The following POLQ variants were observed in gnomAD, a reference collection of about 807,000 sequenced individuals.
POLQ encodes the protein epididymis secretory sperm binding protein.
Under a neutral mutation model 259.2 loss-of-function variants are expected in POLQ, and 233 were observed. That is an observed-to-expected ratio of 0.90 (90% CI 0.81 to 1.00). The LOEUF is 1.00. POLQ is among the 50% of genes least tolerant of loss of function. The pLI is 0.00. For synonymous variants in POLQ, 1,025 were observed against 1,048.8 expected, an observed-to-expected ratio of 0.98 and a Z score of 0.44; for missense variants, 2,871 against 3,051.6, an observed-to-expected ratio of 0.94 and a Z score of 1.39.
intron 25 of POLQ, among the ~76,000 whole-genome samples, chr3:121,458,948 A>G (rs2047767138): frequency 6.6e-6 from 1 of 152,254 alleles, no homozygotes; most frequent in Non-Finnish European, 1.5e-5. Context: ...AAACAAAAAC[A>G]GCAGGATCTC....
intron 20 of POLQ, among the ~76,000 whole-genome samples, chr3:121,473,729 T>TC (rs200868120): frequency 7.1e-6 from 1 of 141,400 alleles, no homozygotes; most frequent in African/African-American, 2.8e-5. Flanking sequence ...CACAAGGCCT[T>TC]TTTTTTTTTT....
At chr3:121,487,016 A>T (rs1290386474) in intron 16 of POLQ, among the ~76,000 whole-genome samples, 1 of 152,216 alleles carries the variant, frequency 6.6e-6, no homozygotes, top group Non-Finnish European at 1.5e-5. Context: ...TTAATATACC[A>T]TAAAAGAAAT....
chr3:121,444,507 G>A (rs1384534842), intron 26 of POLQ, among the ~76,000 whole-genome samples: 1 of 152,112 alleles, frequency 6.6e-6, no homozygotes, highest in Admixed American at 6.5e-5. Flanking sequence ...GAGTCATTAG[G>A]TTTTTCCATA....
At chr3:121,513,833 A>C (rs1257428823) in intron 9 of POLQ, among the ~76,000 whole-genome samples, 1 of 150,950 alleles carries the variant, frequency 6.6e-6, no homozygotes, top group African/African-American at 2.4e-5. Flanking sequence ...GACCAGCCTA[A>C]CCAACATGGT....
rs200700902 is a variant in POLQ, at chr3:121,537,204, C to G, written c.636G>C (p.Met212Ile). The G allele has an allele frequency of 3.8e-6, 6 of 1,569,952 alleles. No homozygotes were observed. The African/African-American group carries it at 4.1e-5, about 11-fold the overall frequency. Residue 212 changes from methionine to isoleucine, a missense_variant, in exon 5 of 30, where the codon ATG (methionine) becomes ATC (isoleucine). By Grantham distance (10) the Met-to-Ile change is conservative (BLOSUM62 1). This residue lies in a region of POLQ where 783 missense variants were observed against 906.2 expected (regional missense o/e 0.86). Coordinates refer to ENST00000264233, the MANE Select transcript of POLQ (RefSeq NM_199420.4). ...IEENKMDLLG[M>I]VVVDELHMLG... Reference sequence around the variant, plus strand: ...GCATATGTAATTCATCCACAACCACCATTCCTAAAAAGATTTTCCAGATAC... The same window carrying G: ...GCATATGTAATTCATCCACAACCACGATTCCTAAAAAGATTTTCCAGATAC...
At chr3:121,527,115 C>T (rs867811991) in intron 7 of POLQ, among the ~76,000 whole-genome samples, 3 of 152,160 alleles carry the variant, frequency 2.0e-5, no homozygotes, top group Middle Eastern at 3.4e-3. Flanking sequence ...GGGTGGAGTG[C>T]GGTGGCACGA....
chr3:121,532,885 A>G, intron 6 of POLQ, 105 bp downstream of exon 6: 2 of 738,278 alleles, frequency 2.7e-6, no homozygotes, highest in East Asian at 5.1e-5. Flanking sequence ...ATCCTAATGT[A>G]TATGTAACTC....
intron 5 of POLQ, among the ~76,000 whole-genome samples, chr3:121,534,156 G>A (rs1033481778): frequency 3.9e-5 from 6 of 152,030 alleles, no homozygotes; most frequent in Non-Finnish European, 5.9e-5. Flanking sequence ...AATTACAGGC[G>A]TGAGCCACCA....
At chr3:121,437,073 A>G (rs1246339074) in intron 27 of POLQ, among the ~76,000 whole-genome samples, 1 of 152,184 alleles carries the variant, frequency 6.6e-6, no homozygotes, top group African/African-American at 2.4e-5. Context: ...GTCCTCTGTC[A>G]TCTGAGCTAT....
rs549635721 is a variant in POLQ, at chr3:121,487,733, C to A, written c.5198G>T (p.Gly1733Val). 6.8e-6 allele frequency: 11 copies of A among 1,613,526 alleles called. No homozygotes were observed. In the African/African-American group the frequency reaches 1.5e-4, roughly 22 times the overall value. ...RKESNIVDDNGLIPPTPIPTS... is the reference protein window; with the variant it reads ...RKESNIVDDNVLIPPTPIPTS... Reference sequence around the variant, plus strand: ...TGGAATGGGTGTAGGAGGAATGAGACCATTATCATCAACTATATTACTTTC... The same window carrying A: ...TGGAATGGGTGTAGGAGGAATGAGAACATTATCATCAACTATATTACTTTC... Residue 1733 changes from glycine to valine, a missense_variant, in exon 16 of 30, where the codon GGT becomes GTT. Transcript: ENST00000264233.
chr3:121,437,317 CA>C (rs2047551885), intron 27 of POLQ, among the ~76,000 whole-genome samples: 1 of 152,138 alleles, frequency 6.6e-6, no homozygotes, highest in African/African-American at 2.4e-5. Flanking sequence ...TAACCAGTAA[CA>C]GGTTCCTACA....
At chr3:121,512,565 G>A (rs955340831) in intron 9 of POLQ, among the ~76,000 whole-genome samples, 4 of 152,068 alleles carry the variant, frequency 2.6e-5, no homozygotes, top group Non-Finnish European at 5.9e-5. Flanking sequence ...TTGTTAAAAT[G>A]TTATATAAGA....
At position 121,490,406 on chromosome 3, in the gene POLQ, G is replaced by T; in HGVS notation, c.2525C>A (p.Ala842Asp). ...ILKNAVPFKS[A>D]RKAVDEEEEA... ...CTCTTCCTCATCCACTGCCTTCCGG[G>T]CACTACACAAGGAGATGGGAAAAGA... Residue 842 changes from alanine (A) to aspartate (D), a missense_variant and splice_region_variant, in exon 16 of 30, where the codon GCC (alanine) becomes GAC (aspartate). Ala to Asp is a moderately radical substitution (Grantham distance 126). This residue lies in a region of POLQ where 2,080 missense variants were observed against 2,126.0 expected (regional missense o/e 0.98). Coordinates refer to ENST00000264233, the MANE Select transcript of POLQ (RefSeq NM_199420.4). 6.2e-7 allele frequency: 1 copy of T among 1,612,890 alleles called. No homozygotes were observed. Among genetic ancestry groups the T allele is most frequent in the Non-Finnish European group, 8.5e-7 (1 of 1,179,014 alleles).
chr3:121,489,794 T>A lies in POLQ; in HGVS notation c.3137A>T (p.Lys1046Met), dbSNP rs771272410. 3 of 1,612,940 alleles carry A rather than the reference T, an allele frequency of 1.9e-6. No homozygotes were observed. The highest frequency in any genetic ancestry group is 2.5e-6 in the Non-Finnish European group (3 of 1,179,858). ...SRSFRSWKRR[K>M]HLKRSRDSSP... Reference sequence around the variant, plus strand: ...GCTGTCCCTAGATCGCTTTAGATGCTTTCTACGTTTCCAAGATCGAAAACT... The same window carrying A: ...GCTGTCCCTAGATCGCTTTAGATGCATTCTACGTTTCCAAGATCGAAAACT... Residue 1046 changes from lysine to methionine, a missense_variant, in exon 16 of 30, where the codon AAG (lysine) becomes ATG (methionine). Around this residue, in one of 3 missense-constraint regions of POLQ, gnomAD observed 2,080 missense variants for 2,126.0 expected, o/e 0.98. Transcript: ENST00000264233.
At chr3:121,539,763 T>C (rs965397842) in intron 3 of POLQ, among the ~76,000 whole-genome samples, 174 bp from the exon 4 acceptor site, 1 of 152,198 alleles carries the variant, frequency 6.6e-6, no homozygotes, top group African/African-American at 2.4e-5. Flanking sequence ...ACTAAAAATA[T>C]AAAGTTTAGA....
At position 121,488,679 on chromosome 3, in the gene POLQ, G is replaced by A; in HGVS notation, c.4252C>T (p.His1418Tyr). Residue 1418 changes from histidine to tyrosine, a missense_variant, in exon 16 of 30, where the codon CAT becomes TAT. His to Tyr is a moderately conservative substitution (Grantham distance 83, BLOSUM62 2). Around this residue, in one of 3 missense-constraint regions of POLQ, gnomAD observed 2,080 missense variants for 2,126.0 expected, o/e 0.98. Coordinates refer to ENST00000264233, the MANE Select transcript of POLQ (RefSeq NM_199420.4). Reference sequence around the variant, plus strand: ...TTTTCCTCCAATAGTATTGGAGAATGGAAAATCGGGCTTTCTGGAGTCAGG... The same window carrying A: ...TTTTCCTCCAATAGTATTGGAGAATAGAAAATCGGGCTTTCTGGAGTCAGG... ...DILTPESPIF[H>Y]SPILLEENGL... 2 of 1,612,412 alleles carry A rather than the reference G, an allele frequency of 1.2e-6. No homozygotes were observed. Among genetic ancestry groups the A allele is most frequent in the Middle Eastern group, 3.3e-4 (2 of 6,054 alleles).
At chr3:121,472,352 A>T (rs1420536999) in intron 21 of POLQ, among the ~76,000 whole-genome samples, 188 bp from the exon 22 acceptor site, 3 of 152,256 alleles carry the variant, frequency 2.0e-5, no homozygotes, top group Non-Finnish European at 2.9e-5. Flanking sequence ...CAAAATGGAA[A>T]TGTGGTAATA....
At chr3:121,497,019 A>G (rs2048130649) in intron 13 of POLQ, 87 bp from the exon 14 acceptor site, 2 of 1,348,566 alleles carry the variant, frequency 1.5e-6, no homozygotes, top group Non-Finnish European at 2.1e-6. Context: ...AAGAACTGGA[A>G]AGGCAACAGA....
intron 25 of POLQ, among the ~76,000 whole-genome samples, chr3:121,459,624 G>A (rs1274067726): frequency 2.0e-5 from 3 of 151,812 alleles, no homozygotes; most frequent in Admixed American, 6.6e-5. Flanking sequence ...CTCATGATCC[G>A]CCCGCCTCAG....
Sources: gnomAD v4.1 joint callset for allele counts (sites outside exome capture counted in the v4.1 genomes callset) on GRCh38, gnomAD v4.1.1 for gene constraint, gnomAD v4.1.1 regional missense constraint, MANE v1.5 for transcripts, NCBI Gene and HGNC (gene_info 2026-07-23, HGNC 2026-07-21) for gene names.